VPS35L: variants seen among roughly 807,000 people sequenced by gnomAD.
The protein encoded by VPS35L is VPS35 endosomal protein sorting factor like.
VPS35L carries 83 observed loss-of-function variants against 133.0 expected under a neutral mutation model. The ratio of observed to expected loss-of-function variants is 0.62; its 90% CI spans 0.52 to 0.75. The LOEUF is 0.75. Ranked by LOEUF, VPS35L falls within the 30% of genes least tolerant of loss-of-function variation. The pLI is 0.00. For missense variants in VPS35L, 1,083 were observed against 1,206.8 expected, an observed-to-expected ratio of 0.90 and a Z score of 1.52; for synonymous variants, 423 against 449.9, an observed-to-expected ratio of 0.94 and a Z score of 0.76.
chr16:19,696,229 T>C (rs1975905875), intron 29 of VPS35L, among the ~76,000 whole-genome samples: 2 of 152,170 alleles, frequency 1.3e-5, no homozygotes, highest in South Asian at 4.1e-4. Flanking sequence ...TCAACAGCCA[T>C]ACTGGAGTCC....
chr16:19,584,748 C>T (rs1971814305), intron 7 of VPS35L, among the ~76,000 whole-genome samples: 1 of 151,422 alleles, frequency 6.6e-6, no homozygotes, highest in African/African-American at 2.4e-5. Context: ...TGACTAGTCA[C>T]AGGCATGATC....
At chr16:19,621,454 C>T (rs1307361630) in intron 14 of VPS35L, among the ~76,000 whole-genome samples, 2 of 152,120 alleles carry the variant, frequency 1.3e-5, no homozygotes, top group East Asian at 3.9e-4. Context: ...CATGTAGGGC[C>T]AACAGCAACA....
At chr16:19,641,020 G>A (rs1014179563) in intron 21 of VPS35L, among the ~76,000 whole-genome samples, 4 of 151,574 alleles carry the variant, frequency 2.6e-5, no homozygotes, top group Non-Finnish European at 4.4e-5. Context: ...GATTATAGGC[G>A]TGAGCCACCT....
intron 2 of VPS35L, 137 bp from the exon 3 acceptor site, chr16:19,569,287 C>A: frequency 1.1e-6 from 1 of 935,984 alleles, no homozygotes. Context: ...AACTAAGCAT[C>A]CCCTGCAGAT....
At chr16:19,668,043 G>A (rs1239209578) in intron 26 of VPS35L, among the ~76,000 whole-genome samples, 1 of 152,042 alleles carries the variant, frequency 6.6e-6, no homozygotes, top group Non-Finnish European at 1.5e-5. Flanking sequence ...GGAAGAGATG[G>A]CAAAACTCCA....
intron 8 of VPS35L, among the ~76,000 whole-genome samples, chr16:19,595,284 T>A (rs935811281): frequency 6.6e-6 from 1 of 151,938 alleles, no homozygotes; most frequent in Non-Finnish European, 1.5e-5. Context: ...GTGGCAGCAC[T>A]TGCGGTGAGA....
At chr16:19,660,161 C>A (rs555276842) in intron 26 of VPS35L, among the ~76,000 whole-genome samples, 1 of 152,084 alleles carries the variant, frequency 6.6e-6, no homozygotes, top group South Asian at 2.1e-4. Context: ...CCTGTCTCTA[C>A]TAAAAATACA....
intron 9 of VPS35L, among the ~76,000 whole-genome samples, chr16:19,603,227 T>C (rs1972441364): frequency 1.3e-5 from 2 of 152,164 alleles, no homozygotes; most frequent in African/African-American, 4.8e-5. Context: ...CGGAAGAGTC[T>C]TGCCCAGGGC....
At chr16:19,677,061 CT>C (rs1041125888) in intron 27 of VPS35L, among the ~76,000 whole-genome samples, 1 of 144,330 alleles carries the variant, frequency 6.9e-6, no homozygotes, top group African/African-American at 2.5e-5. Flanking sequence ...AAAAAGTTTT[CT>C]TTTTTTCTTT....
At chr16:19,615,360 AG>A (rs1461992739) in intron 12 of VPS35L, among the ~76,000 whole-genome samples, 1 of 151,902 alleles carries the variant, frequency 6.6e-6, no homozygotes, top group African/African-American at 2.4e-5. Flanking sequence ...TTATTGAAAA[AG>A]AAATCAGGCT....
rs188222159 is a variant in VPS35L, at chr16:19,659,414, A to G, written c.2221+7324A>G. Among the ~76,000 whole-genome samples, 5 of 152,326 alleles carry G rather than the reference A, an allele frequency of 3.3e-5. No individual in the cohort carries two copies. The East Asian group carries it at 9.6e-4, about 29-fold the overall frequency. ...GCTAAGAAGTAATTTATATGTCCCA[A>G]GTGGATTTTTCACATTAAGTGTTGA... On this transcript the variant is annotated intron_variant, in intron 26 of 30. Coordinates refer to ENST00000417362, the MANE Select transcript of VPS35L (RefSeq NM_020314.7).
intron 10 of VPS35L, 53 bp from the exon 11 acceptor site, chr16:19,608,921 C>A: frequency 6.5e-7 from 1 of 1,539,430 alleles, no homozygotes; most frequent in Non-Finnish European, 9.0e-7. Context: ...GTCTTTTCTC[C>A]ATAGGGAGTA....
chr16:19,626,644 C>T (rs887630263), intron 15 of VPS35L, among the ~76,000 whole-genome samples: 3 of 151,956 alleles, frequency 2.0e-5, no homozygotes, highest in African/African-American at 4.8e-5. Flanking sequence ...TGCCTGTAGT[C>T]GCAGCTACTC....
intron 6 of VPS35L, among the ~76,000 whole-genome samples, chr16:19,580,358 C>T (rs984204627): frequency 3.3e-5 from 5 of 151,716 alleles, no homozygotes; most frequent in Admixed American, 6.6e-5. Flanking sequence ...GTGATCCACC[C>T]GCCTCAGCCT....
intron 5 of VPS35L, among the ~76,000 whole-genome samples, chr16:19,575,898 G>A (rs192218767): frequency 4.1e-4 from 61 of 147,002 alleles, no homozygotes; most frequent in Admixed American, 1.7e-3. Flanking sequence ...GCTCACACCC[G>A]TAATCCCAGC....
chr16:19,618,573 G>T (rs922059662), intron 14 of VPS35L, among the ~76,000 whole-genome samples: 2 of 152,198 alleles, frequency 1.3e-5, no homozygotes, highest in African/African-American at 4.8e-5. Flanking sequence ...GTGGCAGTGT[G>T]GCCTAGTGTT....
chr16:19,700,306 C>A, intron 30 of VPS35L, 72 bp from the exon 31 acceptor site: 1 of 1,336,806 alleles, frequency 7.5e-7, no homozygotes, highest in Non-Finnish European at 1.1e-6. Flanking sequence ...CACATAATGG[C>A]TGATTCATTA....
At position 19,564,932 on chromosome 16, in the gene VPS35L, CCCTCTGAAA is replaced by C. The variant is rs1445416886; in HGVS notation, c.102_110del (p.Leu35_Pro37del). 2.5e-6 allele frequency: 4 copies of C among 1,609,134 alleles called. No individual in the cohort carries two copies. Among genetic ancestry groups the C allele is most frequent in the Non-Finnish European group, 3.4e-6 (4 of 1,175,582 alleles). On this transcript the variant is annotated inframe_deletion, in exon 2 of 31. Transcript: ENST00000417362. ...TACCATTGGAGTTTGGGGACTATCA[CCCTCTGAAA>C]CCCATAACTGTAAGTTTTGTTAAGG...
At chr16:19,638,233 C>T (rs1973680537) in intron 20 of VPS35L, among the ~76,000 whole-genome samples, 1 of 152,166 alleles carries the variant, frequency 6.6e-6, no homozygotes. Flanking sequence ...TACATGTGCT[C>T]ACAAGATTGT....
Sources: gnomAD v4.1 joint callset for allele counts (sites outside exome capture counted in the v4.1 genomes callset) on GRCh38, gnomAD v4.1.1 for gene constraint, MANE v1.5 for transcripts, NCBI Gene and HGNC (gene_info 2026-07-23, HGNC 2026-07-21) for gene names.